Variants in PTPRE observed in about 807,000 individuals in gnomAD.
The protein encoded by PTPRE is protein tyrosine phosphatase receptor type E, also known as receptor-type tyrosine-protein phosphatase epsilon.
PTPRE carries 51 observed loss-of-function variants against 102.0 expected under a neutral mutation model. The ratio of observed to expected loss-of-function variants is 0.50; its 90% CI spans 0.40 to 0.63. The LOEUF is 0.63. Ranked by LOEUF, PTPRE falls within the 30% of genes least tolerant of loss-of-function variation. PTPRE has a pLI of 0.00. For missense variants in PTPRE, 752 were observed against 915.1 expected (o/e 0.82, Z 2.30); for synonymous variants, 345 against 348.2 (o/e 0.99, Z 0.10).
chr10:128,081,149 C>A (rs1353418422), intron 20 of PTPRE, among the ~76,000 whole-genome samples: 2 of 149,236 alleles, frequency 1.3e-5, no homozygotes, highest in Non-Finnish European at 3.0e-5. Flanking sequence ...GAGATTTTGG[C>A]AAAAAAAAAA....
At chr10:128,073,029 C>G (rs1850916434) in intron 16 of PTPRE, among the ~76,000 whole-genome samples, 2 of 152,232 alleles carry the variant, frequency 1.3e-5, no homozygotes, top group South Asian at 4.1e-4. Flanking sequence ...CTGAAACACA[C>G]AGAAACATGT....
At chr10:127,980,833 T>G (rs1851553685) in intron 1 of PTPRE, among the ~76,000 whole-genome samples, 1 of 152,234 alleles carries the variant, frequency 6.6e-6, no homozygotes, top group Non-Finnish European at 1.5e-5. Context: ...AAATATCTAG[T>G]TTTGTCAGGA....
At chr10:127,984,504 G>T (rs1297203840) in intron 2 of PTPRE, among the ~76,000 whole-genome samples, 1 of 152,120 alleles carries the variant, frequency 6.6e-6, no homozygotes, top group Non-Finnish European at 1.5e-5. Context: ...TGAAGCCTGG[G>T]TCTCCTATCT....
chr10:127,981,698 G>A (rs1851634026), intron 1 of PTPRE, among the ~76,000 whole-genome samples: 1 of 151,954 alleles, frequency 6.6e-6, no homozygotes, highest in Non-Finnish European at 1.5e-5. Flanking sequence ...CATACCTGTA[G>A]TCCTGGCTAC....
chr10:128,059,989 C>T (rs1849393378), intron 7 of PTPRE, among the ~76,000 whole-genome samples: 1 of 151,028 alleles, frequency 6.6e-6, no homozygotes, highest in Non-Finnish European at 1.5e-5. Flanking sequence ...ACATAACGCA[C>T]ACACATACAC....
chr10:128,070,860 C>T lies in PTPRE; in HGVS notation c.1346C>T (p.Pro449Leu), dbSNP rs1590224424. ...MKENMRTGNL[P>L]ANMKKARVIQ... ...GAGAACATGAGGACGGGCAACTTGC[C>T]GGCAAACATGAAGAAGGCCAGGGTC... The change falls in exon 15 of 21, where the codon CCG (proline) becomes CTG (leucine). Residue 449 changes from proline (P) to leucine (L), a missense_variant. Pro to Leu is a moderately conservative substitution (Grantham distance 98). Transcript: ENST00000254667. The surrounding 1 kb of genome is among the most constrained non-coding windows in gnomAD (Gnocchi z 4.8). 2.5e-6 allele frequency: 4 copies of T among 1,614,146 alleles called. No individual in the cohort carries two copies. Among genetic ancestry groups the T allele is most frequent in the Non-Finnish European group, 3.4e-6 (4 of 1,180,020 alleles).
chr10:127,998,284 A>G (rs1194197718), intron 2 of PTPRE: 1 of 152,218 alleles, frequency 6.6e-6, no homozygotes. Context: ...CATCGAAGTC[A>G]CCAAAGAAAG....
intron 1 of PTPRE, among the ~76,000 whole-genome samples, chr10:127,946,903 C>T (rs1279962148): frequency 1.3e-5 from 2 of 151,896 alleles, no homozygotes; most frequent in Non-Finnish European, 2.9e-5. Flanking sequence ...TGGCTTGTGA[C>T]TGTAGTCCTA....
At chr10:128,077,502 G>T (rs1317452662) in intron 18 of PTPRE, 115 bp from the exon 19 acceptor site, 10 of 1,325,166 alleles carry the variant, frequency 7.5e-6, no homozygotes, top group Non-Finnish European at 1.0e-5. Context: ...GATGTTGGCA[G>T]CACAGAAGGC....
rs1245643030 is a variant in PTPRE, at chr10:128,076,680, C to T, written c.1677C>T (p.Thr559=). The T allele has an allele frequency of 1.2e-6, 2 of 1,611,552 alleles. No individual in the cohort carries two copies. The highest frequency in any genetic ancestry group is 3.4e-5 in the Admixed American group (2 of 59,196). The change falls in exon 18 of 21, where the codon ACC becomes ACT. Residue 559 remains threonine (T), a synonymous_variant. Coordinates refer to ENST00000254667, the MANE Select transcript of PTPRE (RefSeq NM_006504.6). ...TAACGATTGAGATAAAGAATGATAC[C>T]CTTTCAGAAGCCATCAGTATACGAG... ...GEITIEIKND[T]LSEAISIRDF...
intron 2 of PTPRE, among the ~76,000 whole-genome samples, chr10:128,015,620 C>A (rs1845362180): frequency 6.6e-6 from 1 of 152,148 alleles, no homozygotes; most frequent in Admixed American, 6.5e-5. Context: ...CCCGCCTCAG[C>A]CTCCCAAAGT....
chr10:128,061,123 T>A, intron 8 of PTPRE, 108 bp downstream of exon 8: 1 of 1,104,512 alleles, frequency 9.1e-7, no homozygotes, highest in South Asian at 1.3e-5. Flanking sequence ...TTCTGGGCAG[T>A]TTGGCCACAA....
rs764160145 is a variant in PTPRE, at chr10:128,069,831, A to G, written c.1143+4A>G. The G allele has an allele frequency of 6.2e-7, 1 of 1,614,220 alleles. No homozygotes were observed. Among genetic ancestry groups the G allele is most frequent in the Non-Finnish European group, 8.5e-7 (1 of 1,180,040 alleles). ...CCCTCAGATGGTTCAAACGGATGTG[A>G]GTCATGCCTTCCTCTTGCCCTGATC... On this transcript the variant is annotated splice_donor_region_variant and intron_variant, in intron 13 of 20. Coordinates refer to ENST00000254667, the MANE Select transcript of PTPRE (RefSeq NM_006504.6).
intron 16 of PTPRE, 115 bp downstream of exon 16, chr10:128,072,329 A>C: frequency 9.9e-7 from 1 of 1,014,722 alleles, no homozygotes; most frequent in Non-Finnish European, 1.4e-6. Flanking sequence ...CCAGAAACTC[A>C]GCCATTTTTG....
At chr10:128,031,654 T>C (rs1463954378) in intron 2 of PTPRE, among the ~76,000 whole-genome samples, 1 of 152,246 alleles carries the variant, frequency 6.6e-6, no homozygotes, top group Non-Finnish European at 1.5e-5. Flanking sequence ...AGTGTGACTC[T>C]GCCAGATGAC....
At chr10:128,032,433 A>G (rs1314851043) in intron 2 of PTPRE, among the ~76,000 whole-genome samples, 1 of 152,218 alleles carries the variant, frequency 6.6e-6, no homozygotes, top group Non-Finnish European at 1.5e-5. Context: ...GGATGGAGAC[A>G]CCTGTGTAGG....
At chr10:127,922,975 G>A (rs1284180727) in intron 1 of PTPRE, among the ~76,000 whole-genome samples, 1 of 152,108 alleles carries the variant, frequency 6.6e-6, no homozygotes, top group Non-Finnish European at 1.5e-5. Flanking sequence ...ATTGGTGGAG[G>A]GACTGCTCTG....
chr10:127,945,504 C>T (rs1457329862), intron 1 of PTPRE, among the ~76,000 whole-genome samples: 1 of 152,222 alleles, frequency 6.6e-6, no homozygotes, highest in Non-Finnish European at 1.5e-5. Flanking sequence ...CAATGAATGC[C>T]ATGCTTCAAA....
At chr10:127,987,957 G>A (rs1852239793) in intron 2 of PTPRE, among the ~76,000 whole-genome samples, 1 of 152,246 alleles carries the variant, frequency 6.6e-6, no homozygotes, top group Admixed American at 6.5e-5. Flanking sequence ...GGCACTCTGT[G>A]TGTAAGGGTT....
Sources: gnomAD v4.1 joint callset for allele counts (sites outside exome capture counted in the v4.1 genomes callset) on GRCh38, gnomAD v4.1.1 for gene constraint, Gnocchi (gnomAD v3.1) non-coding constraint, MANE v1.5 for transcripts, NCBI Gene and HGNC (gene_info 2026-07-23, HGNC 2026-07-21) for gene names.